Variants in CEP131 observed in about 807,000 individuals in gnomAD.
CEP131 encodes the protein centrosomal protein 131.
A neutral mutation model predicts 136.8 loss-of-function variants in CEP131; 99 were observed. The ratio of observed to expected loss-of-function variants is 0.72; its 90% CI spans 0.62 to 0.86. The LOEUF is 0.86. Ranked by LOEUF, CEP131 falls within the 40% of genes least tolerant of loss-of-function variation. The probability of loss-of-function intolerance (pLI) is 0.00; values close to 1 mark genes in which losing one functional copy is unlikely to be tolerated. For synonymous variants in CEP131, 646 were observed against 612.7 expected, an observed-to-expected ratio of 1.05 and a Z score of -0.80; for missense variants, 1,459 against 1,463.0, an observed-to-expected ratio of 1.00 and a Z score of 0.04.
intron 5 of CEP131, among the ~76,000 whole-genome samples, chr17:81,205,313 C>T (rs2061979300): frequency 6.9e-6 from 1 of 144,284 alleles, no homozygotes; most frequent in South Asian, 2.3e-4. Flanking sequence ...TGAAAAGATG[C>T]TGCTCCTCAG....
intron 7 of CEP131, among the ~76,000 whole-genome samples, chr17:81,200,699 A>G (rs2061872612): frequency 6.6e-6 from 1 of 152,224 alleles, no homozygotes; most frequent in Non-Finnish European, 1.5e-5. Context: ...CTACCCACGC[A>G]GGCCTGTGTG....
chr17:81,195,710 G>A (rs780927634), intron 16 of CEP131, 125 bp downstream of exon 16: 25 of 816,032 alleles, frequency 3.1e-5, no homozygotes, highest in Non-Finnish European at 4.9e-5. Flanking sequence ...ACCCACCGCT[G>A]TGGCCCTGAC....
In CEP131 at chr17:81,189,606, C is replaced by A; in HGVS notation, c.*163G>T. On this transcript the variant is annotated 3_prime_UTR_variant, in exon 26 of 26. Transcript: ENST00000450824. ...CAGTCACTCAAGGCGCTGAAAACAA[C>A]GGCCTCCTTTACTGTTAAAATGCAG... 4 of 709,094 alleles carry A rather than the reference C, an allele frequency of 5.6e-6. No individual in the cohort carries two copies. The South Asian group carries it at 7.6e-5, about 13-fold the overall frequency. 43.9% of individuals were successfully genotyped at this position (709,094 alleles called of 1,614,324 possible). A position where few individuals can be genotyped will look rare whatever the true frequency, so the allele number is the denominator to read the frequency against.
intron 13 of CEP131, 31 bp from the exon 14 acceptor site, chr17:81,197,086 C>CGGCAGAGG: frequency 6.4e-7 from 1 of 1,566,804 alleles, no homozygotes; most frequent in Non-Finnish European, 8.6e-7. Context: ...CAGGCGGAAG[C>CGGCAGAGG]GGCAGAGGAC....
At chr17:81,192,672 G>A in intron 19 of CEP131, 64 bp downstream of exon 19, 1 of 1,331,912 alleles carries the variant, frequency 7.5e-7, no homozygotes, top group South Asian at 1.3e-5. Flanking sequence ...GGGTGAGGGG[G>A]CGGGGGGGAG....
At chr17:81,213,079 C>T (rs2062169889) in intron 2 of CEP131, among the ~76,000 whole-genome samples, 1 of 152,054 alleles carries the variant, frequency 6.6e-6, no homozygotes, top group Non-Finnish European at 1.5e-5. Context: ...TTTATAGGGC[C>T]AGAAATAAGG....
intron 2 of CEP131, among the ~76,000 whole-genome samples, chr17:81,210,499 G>A (rs1598311663): frequency 6.6e-6 from 1 of 152,126 alleles, no homozygotes; most frequent in South Asian, 2.1e-4. Flanking sequence ...AAACCTGAGA[G>A]GCGGAGGTTG....
chr17:81,215,355 G>A lies in CEP131; in HGVS notation c.177+4525C>T, dbSNP rs1325772273. 1.3e-5 allele frequency among the ~76,000 whole-genome samples: 2 copies of A among 150,978 alleles called. No individual in the cohort carries two copies. The highest frequency in any genetic ancestry group is 4.9e-5 in the African/African-American group (2 of 41,020). On this transcript the variant is annotated intron_variant, in intron 2 of 25. Transcript: ENST00000450824. The surrounding 1 kb of genome is among the most constrained non-coding windows in gnomAD (Gnocchi z 4.1). ...CAAGTGATCCTCCCACCGCAGCCAC[G>A]CAAAGTGCTGGGATTACAGATATTG...
chr17:81,191,660 C>T (rs190974704), intron 21 of CEP131, among the ~76,000 whole-genome samples: 1 of 152,166 alleles, frequency 6.6e-6, no homozygotes, highest in African/African-American at 2.4e-5. Flanking sequence ...GGGGCCTGGG[C>T]CCCCAAGCCC....
At position 81,208,164 on chromosome 17, in the gene CEP131, T is replaced by C. The variant is rs921762579; in HGVS notation, c.272+764A>G. ...CACACCAGCTGGCCTTGGCAGTCCCTTGCTTGGTGGGACTCCACGAAGCTA... is the reference window on the plus strand; with the variant it reads ...CACACCAGCTGGCCTTGGCAGTCCCCTGCTTGGTGGGACTCCACGAAGCTA... On this transcript the variant is annotated intron_variant, in intron 3 of 25. Coordinates refer to ENST00000450824, the MANE Select transcript of CEP131 (RefSeq NM_014984.4). This position sits in a 1 kb window ranked among gnomAD's most constrained non-coding sequence, Gnocchi z 5.6. Among the ~76,000 whole-genome samples the C allele has an allele frequency of 1.7e-4, 26 of 150,542 alleles. No individual in the cohort carries two copies. Among genetic ancestry groups the C allele is most frequent in the Non-Finnish European group, 1.5e-4 (10 of 67,440 alleles).
rs762875732 is a variant in CEP131, at chr17:81,194,977, G to A, written c.2017-5C>T. 2.5e-6 allele frequency: 4 copies of A among 1,606,968 alleles called. No individual in the cohort carries two copies. Among genetic ancestry groups the A allele is most frequent in the South Asian group, 2.2e-5 (2 of 91,002 alleles). ...TTCTTTGAGTTTTTTAATCTCCTAC[G>A]AGCAGAACAGGGCAGGAGGAAACGA... On this transcript the variant is annotated splice_polypyrimidine_tract_variant and splice_region_variant and intron_variant, in intron 16 of 25. Transcript: ENST00000450824.
chr17:81,207,088 C>G, intron 4 of CEP131, 37 bp downstream of exon 4: 1 of 1,587,820 alleles, frequency 6.3e-7, no homozygotes, highest in Non-Finnish European at 8.6e-7. Flanking sequence ...AATCCCATCA[C>G]AGAGACCAGG....
chr17:81,216,935 A>G (rs2062259281), intron 2 of CEP131, among the ~76,000 whole-genome samples: 1 of 152,202 alleles, frequency 6.6e-6, no homozygotes, highest in Admixed American at 6.5e-5. Flanking sequence ...TCACTGACGG[A>G]CACCACGGTG....
chr17:81,218,356 T>A (rs1432845965), intron 2 of CEP131, among the ~76,000 whole-genome samples: 3 of 152,180 alleles, frequency 2.0e-5, no homozygotes, highest in African/African-American at 4.8e-5. Context: ...ATCTGCGATT[T>A]CGAGTGCGTC....
intron 1 of CEP131, among the ~76,000 whole-genome samples, chr17:81,221,579 C>T (rs371004795): frequency 2.3e-4 from 35 of 152,324 alleles, no homozygotes; most frequent in African/African-American, 7.7e-4. Context: ...TCTCCTCAAA[C>T]TCAGCCAGCT....
At chr17:81,205,642 A>C (rs1250647793) in intron 5 of CEP131, among the ~76,000 whole-genome samples, 1 of 152,026 alleles carries the variant, frequency 6.6e-6, no homozygotes, top group Non-Finnish European at 1.5e-5. Flanking sequence ...CAAACCTGTA[A>C]TCCCAGGGCT....
At chr17:81,190,430 G>A (rs866014861) in intron 24 of CEP131, among the ~76,000 whole-genome samples, 31 of 152,172 alleles carry the variant, frequency 2.0e-4, no homozygotes, top group African/African-American at 6.3e-4. Flanking sequence ...AGGGATGGCC[G>A]ACACCCTAGA....
Position 81,201,438 on chromosome 17 carries a change from G to A in CEP131, c.788+802C>T, listed in dbSNP as rs575142160. 7.2e-5 allele frequency among the ~76,000 whole-genome samples: 11 copies of A among 151,734 alleles called. No homozygotes were observed. The South Asian group carries it at 1.3e-3, about 17-fold the overall frequency. ...CCCCTCCAGCTCCCCAGGGGCAAGC[G>A]GCAGGGGCACAGCCCCCAACAGTCA... On this transcript the variant is annotated intron_variant, in intron 7 of 25. Coordinates refer to ENST00000450824, the MANE Select transcript of CEP131 (RefSeq NM_014984.4).
rs139010370 is a variant in CEP131 at position 81,215,378 on chromosome 17, T to C, written c.177+4502A>G. Among the ~76,000 whole-genome samples, 2 of 152,046 alleles carry C rather than the reference T, an allele frequency of 1.3e-5. No homozygotes were observed. Among genetic ancestry groups the C allele is most frequent in the Non-Finnish European group, 1.5e-5 (1 of 67,960 alleles). On this transcript the variant is annotated intron_variant, in intron 2 of 25. Transcript: ENST00000450824. This position sits in a 1 kb window ranked among gnomAD's most constrained non-coding sequence, Gnocchi z 4.1. ...ACGCAAAGTGCTGGGATTACAGATA[T>C]TGGCCACCACTCCCGGCCCCCTTTC...
Sources: allele counts gnomAD v4.1 joint callset (sites outside exome capture counted in the v4.1 genomes callset), GRCh38; gene constraint gnomAD v4.1.1; non-coding constraint Gnocchi (gnomAD v3.1); transcripts MANE v1.5; gene names NCBI Gene and HGNC (gene_info 2026-07-23, HGNC 2026-07-21).